Variants in DAB1 observed in about 807,000 individuals in gnomAD.
DAB1 encodes the protein DAB adaptor protein 1, also known as disabled homolog 1.
Under a neutral mutation model 64.6 loss-of-function variants are expected in DAB1, and 15 were observed. That is an observed-to-expected ratio of 0.23 (90% confidence interval 0.16 to 0.36). The LOEUF (loss-of-function observed/expected upper bound fraction) is 0.36. DAB1 is among the 10% of genes least tolerant of loss of function. DAB1 has a pLI of 1.00. For missense variants in DAB1, 596 were observed against 706.7 expected (o/e 0.84, Z 1.78); for synonymous variants, 235 against 251.9 (o/e 0.93, Z 0.64).
intron 2 of DAB1, among the ~76,000 whole-genome samples, chr1:57,176,960 C>G (rs570584609): frequency 8.4e-6 from 1 of 118,924 alleles, no homozygotes; most frequent in Admixed American, 9.0e-5. Flanking sequence ...AAAAAAGAAG[C>G]AGCAGCAGAT....
chr1:58,088,194 G>C (rs1410812605), intron 5 of DAB1, among the ~76,000 whole-genome samples: 1 of 152,184 alleles, frequency 6.6e-6, no homozygotes. Flanking sequence ...CTCCCCAAGT[G>C]GGGGTTCTTA....
intron 5 of DAB1, among the ~76,000 whole-genome samples, chr1:57,997,435 A>T (rs2100393423): frequency 6.6e-6 from 1 of 152,164 alleles, no homozygotes; most frequent in East Asian, 1.9e-4. Context: ...ACTTCCTTTC[A>T]TTCCTGCTCT....
chr1:57,241,694 T>G (rs1337756425), intron 2 of DAB1, among the ~76,000 whole-genome samples: 1 of 152,244 alleles, frequency 6.6e-6, no homozygotes, highest in Non-Finnish European at 1.5e-5. Flanking sequence ...CTAGCCCTTC[T>G]GAGTCTAGCC....
At chr1:58,327,927 A>T (rs1467773029) in intron 4 of DAB1, among the ~76,000 whole-genome samples, 1 of 152,214 alleles carries the variant, frequency 6.6e-6, no homozygotes, top group Non-Finnish European at 1.5e-5. Flanking sequence ...CTTCAAGGAA[A>T]GATTGACATC....
At chr1:57,342,972 C>T (rs889672689) in intron 1 of DAB1, among the ~76,000 whole-genome samples, 14 of 152,114 alleles carry the variant, frequency 9.2e-5, no homozygotes, top group African/African-American at 3.1e-4. Flanking sequence ...AAAGCTTCCA[C>T]AGCTCAGAAG....
At chr1:57,247,662 A>G (rs999042073) in intron 2 of DAB1, among the ~76,000 whole-genome samples, 6 of 152,238 alleles carry the variant, frequency 3.9e-5, no homozygotes, top group African/African-American at 1.4e-4. Flanking sequence ...CCTCTGTGGT[A>G]CACAACTAGC....
intron 2 of DAB1, among the ~76,000 whole-genome samples, chr1:57,263,119 A>AT (rs1558047871): frequency 6.3e-5 from 7 of 111,374 alleles, no homozygotes; most frequent in African/African-American, 2.9e-4. Context: ...AAGAAGATAA[A>AT]ATTTTTTTTT....
chr1:57,452,716 T>A (rs929192421), intron 7 of DAB1, among the ~76,000 whole-genome samples: 1 of 152,070 alleles, frequency 6.6e-6, no homozygotes. Flanking sequence ...GTTCATTCCA[T>A]TTCTGCAGAA....
At chr1:57,849,675 C>T (rs1255172279) in intron 1 of DAB1, among the ~76,000 whole-genome samples, 1 of 152,174 alleles carries the variant, frequency 6.6e-6, no homozygotes, top group African/African-American at 2.4e-5. Flanking sequence ...CTAGCATGTG[C>T]AGCATTTTTA....
chr1:58,532,906 T>G (rs1181887983), intron 1 of DAB1, among the ~76,000 whole-genome samples: 2 of 152,186 alleles, frequency 1.3e-5, no homozygotes, highest in African/African-American at 4.8e-5. Flanking sequence ...GAAAAACAAT[T>G]TAGCCCATCT....
At chr1:58,245,582 G>A (rs1365017421) in intron 4 of DAB1, among the ~76,000 whole-genome samples, 1 of 152,140 alleles carries the variant, frequency 6.6e-6, no homozygotes. Context: ...GTGGAAAAAA[G>A]AGAGGCAACA....
intron 2 of DAB1, among the ~76,000 whole-genome samples, chr1:57,195,576 G>T (rs773628774): frequency 6.6e-6 from 1 of 152,228 alleles, no homozygotes; most frequent in Admixed American, 6.5e-5. Flanking sequence ...GCTGAGGGCT[G>T]AACCCAGTTC....
intron 2 of DAB1, among the ~76,000 whole-genome samples, chr1:57,267,369 T>A (rs983484965): frequency 1.3e-5 from 2 of 152,332 alleles, no homozygotes; most frequent in East Asian, 3.9e-4. Context: ...TTTGTGATAA[T>A]GTGTTACAAC....
chr1:58,048,341 TAATTGCCCA>T, intron 5 of DAB1: 1 of 1,043,892 alleles, frequency 9.6e-7, no homozygotes, highest in South Asian at 1.2e-5. Context: ...CTGATTGTTT[TAATTGCCCA>T]AATCACTGTA....
intron 5 of DAB1, among the ~76,000 whole-genome samples, chr1:58,127,815 C>CTA (rs1242975698): frequency 3.3e-5 from 5 of 151,688 alleles, no homozygotes; most frequent in Admixed American, 2.0e-4. Context: ...TTCCATTGAT[C>CTA]TATATCTCTG....
chr1:57,763,740 T>C (rs779538996), intron 6 of DAB1, among the ~76,000 whole-genome samples: 73 of 152,194 alleles, frequency 4.8e-4, no homozygotes, highest in Non-Finnish European at 7.9e-4. Context: ...GATCACAGGG[T>C]TAAAGTGCGA....
chr1:57,441,276 T>C (rs60756206), intron 7 of DAB1, among the ~76,000 whole-genome samples: 162 of 25,174 alleles, frequency 6.4e-3, no homozygotes, highest in African/African-American at 8.8e-3. Context: ...TTCTTTCTCT[T>C]TCTTTCTTTC....
At chr1:57,124,022 A>G (rs542813144) in intron 4 of DAB1, among the ~76,000 whole-genome samples, 6 of 152,332 alleles carry the variant, frequency 3.9e-5, no homozygotes, top group African/African-American at 1.4e-4. Flanking sequence ...GGCTCTATCA[A>G]CTACCACTGT....
At chr1:57,135,221 A>T (rs1440159794) in intron 4 of DAB1, among the ~76,000 whole-genome samples, 1 of 152,180 alleles carries the variant, frequency 6.6e-6, no homozygotes, top group Non-Finnish European at 1.5e-5. Flanking sequence ...CCATCTTCCC[A>T]AATTGAAACC....
Sources: allele counts gnomAD v4.1 joint callset (sites outside exome capture counted in the v4.1 genomes callset), GRCh38; gene constraint gnomAD v4.1.1; transcripts MANE v1.5; gene names NCBI Gene and HGNC (gene_info 2026-07-23, HGNC 2026-07-21).